The following CCDC12 variants were observed in gnomAD, a reference collection of about 807,000 sequenced individuals.
CCDC12 encodes coiled-coil domain-containing protein 12.
In CCDC12, 28 loss-of-function variants were observed where a neutral mutation model predicts 25.7. The ratio of observed to expected loss-of-function variants is 1.09; its 90% CI spans 0.81 to 1.50. CCDC12 has a LOEUF of 1.50. CCDC12 is among the 40% of genes most tolerant of loss of function. CCDC12 has a pLI of 0.00. For synonymous variants in CCDC12, 75 were observed against 87.7 expected, an observed-to-expected ratio of 0.86 and a Z score of 0.81; for missense variants, 198 against 210.0, an observed-to-expected ratio of 0.94 and a Z score of 0.35.
chr3:46,961,894 T>A (rs895706568), intron 1 of CCDC12, among the ~76,000 whole-genome samples: 1 of 152,186 alleles, frequency 6.6e-6, no homozygotes, highest in East Asian at 1.9e-4. Context: ...TATCAAATAG[T>A]GCCAAGTCAC....
chr3:46,946,502 G>C (rs1010844679), intron 1 of CCDC12, among the ~76,000 whole-genome samples: 1 of 152,256 alleles, frequency 6.6e-6, no homozygotes, highest in Non-Finnish European at 1.5e-5. Flanking sequence ...TGAGAGCGGA[G>C]CAAGAGCACT....
chr3:46,940,081 C>G (rs2033638221), intron 2 of CCDC12, among the ~76,000 whole-genome samples: 1 of 152,244 alleles, frequency 6.6e-6, no homozygotes. Context: ...AGCCCCATCT[C>G]AGGGCTAGGC....
chr3:46,941,147 G>T, intron 1 of CCDC12, 82 bp from the exon 2 acceptor site: 1 of 1,369,678 alleles, frequency 7.3e-7, no homozygotes. Flanking sequence ...TAAAGAACAG[G>T]ACATCTCAGA....
intron 1 of CCDC12, among the ~76,000 whole-genome samples, chr3:46,958,305 G>A (rs1300612844): frequency 6.6e-6 from 1 of 152,122 alleles, no homozygotes; most frequent in African/African-American, 2.4e-5. Flanking sequence ...ACTTACTGAG[G>A]GTCCAGAGGA....
At chr3:46,963,963 G>A (rs1277022267) in intron 1 of CCDC12, among the ~76,000 whole-genome samples, 7 of 152,014 alleles carry the variant, frequency 4.6e-5, no homozygotes, top group African/African-American at 1.5e-4. Context: ...CCCAGTCTGG[G>A]AAGTGAGGAG....
At chr3:46,925,277 C>T (rs1392025426) in intron 3 of CCDC12, 179 bp downstream of exon 3, 17 of 712,834 alleles carry the variant, frequency 2.4e-5, no homozygotes, top group Non-Finnish European at 4.4e-5. Context: ...CCCCGACAGC[C>T]TCTGCTGCTG....
chr3:46,954,792 C>T (rs1241413578), intron 1 of CCDC12, among the ~76,000 whole-genome samples: 4 of 152,064 alleles, frequency 2.6e-5, no homozygotes, highest in African/African-American at 9.7e-5. Flanking sequence ...GGCATGGTGG[C>T]GGGCACCTGT....
At chr3:46,961,804 T>C (rs537143639) in intron 1 of CCDC12, among the ~76,000 whole-genome samples, 1 of 152,328 alleles carries the variant, frequency 6.6e-6, no homozygotes, top group East Asian at 1.9e-4. Flanking sequence ...ATCAGGATGT[T>C]ATGGAAGGTT....
chr3:46,942,470 T>C (rs900866957), intron 1 of CCDC12, among the ~76,000 whole-genome samples: 1 of 152,254 alleles, frequency 6.6e-6, no homozygotes, highest in Non-Finnish European at 1.5e-5. Flanking sequence ...GGAGCCTGCA[T>C]ATAAATTATA....
chr3:46,938,823 G>A (rs948982512), intron 2 of CCDC12, among the ~76,000 whole-genome samples: 1 of 151,658 alleles, frequency 6.6e-6, no homozygotes, highest in Non-Finnish European at 1.5e-5. Flanking sequence ...CTGCACTCCA[G>A]CCTGGGTGAC....
intron 2 of CCDC12, among the ~76,000 whole-genome samples, chr3:46,928,248 A>C (rs779349761): frequency 3.3e-5 from 5 of 152,168 alleles, no homozygotes; most frequent in Non-Finnish European, 7.3e-5. Context: ...CTCAAAAAAA[A>C]AAAATGTATA....
At chr3:46,923,796 C>T (rs942411452) in intron 3 of CCDC12, 128 bp from the exon 4 acceptor site, 7 of 714,290 alleles carry the variant, frequency 9.8e-6, no homozygotes, top group Non-Finnish European at 1.0e-5. Flanking sequence ...CTGTGTGGCC[C>T]GCAACCAGCC....
intron 2 of CCDC12, among the ~76,000 whole-genome samples, chr3:46,932,753 G>GC (rs1248696872): frequency 6.6e-6 from 1 of 152,168 alleles, no homozygotes; most frequent in Non-Finnish European, 1.5e-5. Flanking sequence ...GCGCCTTTGT[G>GC]CCCCCACCTG....
chr3:46,977,549 C>T (rs1304021616), upstream of CCDC12, among the ~76,000 whole-genome samples: 3 of 151,910 alleles, frequency 2.0e-5, no homozygotes, highest in Non-Finnish European at 4.4e-5. Context: ...ATGACTTACA[C>T]CTCTGCAGCT....
chr3:46,952,596 T>A (rs192571172), intron 1 of CCDC12, among the ~76,000 whole-genome samples: 3 of 152,298 alleles, frequency 2.0e-5, no homozygotes, highest in Admixed American at 2.0e-4. Flanking sequence ...CTAGGTTCCA[T>A]AAAATTGGAA....
chr3:46,923,769 C>CT (rs1428726934), intron 3 of CCDC12, 101 bp from the exon 4 acceptor site: 2 of 1,008,528 alleles, frequency 2.0e-6, no homozygotes, highest in East Asian at 6.1e-5. Flanking sequence ...GGACCCCAGG[C>CT]TTCCTTGCTC....
intron 1 of CCDC12, chr3:46,981,788 G>C (rs2035362264): frequency 6.6e-6 from 1 of 152,198 alleles, no homozygotes. Context: ...GGAGTGTCTT[G>C]GTATCTCCCA....
At chr3:46,951,888 C>T (rs1040738298) in intron 1 of CCDC12, among the ~76,000 whole-genome samples, 12 of 141,804 alleles carry the variant, frequency 8.5e-5, no homozygotes, top group Non-Finnish European at 1.4e-4. Flanking sequence ...TGTCAAGAGG[C>T]CCCAGGCTAC....
At chr3:46,973,621 T>C (rs1413114824) in intron 1 of CCDC12, among the ~76,000 whole-genome samples, 1 of 147,184 alleles carries the variant, frequency 6.8e-6, no homozygotes, top group Non-Finnish European at 1.5e-5. Flanking sequence ...TTCTTTTTTT[T>C]TTTTTTTTTT....
Sources: allele counts gnomAD v4.1 joint callset (sites outside exome capture counted in the v4.1 genomes callset), GRCh38; gene constraint gnomAD v4.1.1; transcripts MANE v1.5; gene names NCBI Gene and HGNC (gene_info 2026-07-23, HGNC 2026-07-21).